Variants in LRRC69 observed in about 807,000 individuals in gnomAD.
LRRC69 encodes the protein leucine-rich repeat-containing protein 69.
A neutral mutation model predicts 37.8 loss-of-function variants in LRRC69; 42 were observed. That is an observed-to-expected ratio of 1.11 (90% CI 0.87 to 1.44). LRRC69 has a LOEUF of 1.44. Ranked by LOEUF, LRRC69 falls within the 40% of genes most tolerant of loss-of-function variation. LRRC69 has a pLI of 0.00. For missense variants in LRRC69, 357 were observed against 401.9 expected (o/e 0.89, Z 0.96); for synonymous variants, 141 against 143.1 (o/e 0.99, Z 0.11).
chr8:91,122,420 A>G (rs997024218), intron 1 of LRRC69, among the ~76,000 whole-genome samples: 2 of 151,912 alleles, frequency 1.3e-5, no homozygotes, highest in African/African-American at 4.8e-5. Context: ...TTTGCCCATC[A>G]AAAAAAACTC....
At chr8:91,179,886 G>T (rs76784212) in intron 5 of LRRC69, among the ~76,000 whole-genome samples, 1 of 152,114 alleles carries the variant, frequency 6.6e-6, no homozygotes, top group Non-Finnish European at 1.5e-5. Context: ...ATGAAACGTC[G>T]TATGTGTAGG....
intron 7 of LRRC69, among the ~76,000 whole-genome samples, chr8:91,210,562 G>GAC (rs35968986): frequency 0.073 from 10,738 of 146,100 alleles, 385 homozygotes; most frequent in Middle Eastern, 0.16. Context: ...CACACACACA[G>GAC]ACACACACAC....
At chr8:91,122,212 T>C (rs1344257674) in intron 1 of LRRC69, among the ~76,000 whole-genome samples, 1 of 152,044 alleles carries the variant, frequency 6.6e-6, no homozygotes, top group Non-Finnish European at 1.5e-5. Context: ...TTACCATCCC[T>C]TTTTTTAGGT....
At chr8:91,152,565 G>A (rs900020507) in intron 5 of LRRC69, among the ~76,000 whole-genome samples, 1 of 151,576 alleles carries the variant, frequency 6.6e-6, no homozygotes, top group African/African-American at 2.4e-5. Context: ...GTAGCATGAT[G>A]CCTACAGTTT....
intron 1 of LRRC69, among the ~76,000 whole-genome samples, chr8:91,111,457 T>A (rs1348791152): frequency 6.6e-6 from 1 of 151,838 alleles, no homozygotes; most frequent in Non-Finnish European, 1.5e-5. Flanking sequence ...TCGCTTGAAC[T>A]CAGAGGGTGG....
At chr8:91,132,054 TC>T (rs1161236631) in intron 3 of LRRC69, among the ~76,000 whole-genome samples, 7 of 151,972 alleles carry the variant, frequency 4.6e-5, no homozygotes, top group African/African-American at 7.2e-5. Flanking sequence ...TCCTCAAAAT[TC>T]CCTTTGCTAG....
chr8:91,176,134 A>ATATTTTTTTTTTT lies in LRRC69; in HGVS notation c.652-13387_652-13386insATTTTTTTTTTTT. On this transcript the variant is annotated intron_variant, in intron 5 of 7. Coordinates refer to ENST00000448384, the Ensembl canonical transcript of LRRC69. ...ATCCCTCATATATATATATATATAT[A>ATATTTTTTTTTTT]TTTTTTTTTTTTCTTTTTTTTGAGA... 3.2e-3 allele frequency among the ~76,000 whole-genome samples: 239 copies of ATATTTTTTTTTTT among 75,674 alleles called. 1 individual carries two copies. The highest frequency in any genetic ancestry group is 4.6e-3 in the African/African-American group (75 of 16,420). The allele number at this position is 75,674 out of a possible 152,430, so 49.6% of individuals were successfully genotyped here. A position where few individuals can be genotyped will look rare whatever the true frequency, so the allele number is the denominator to read the frequency against.
At chr8:91,132,899 G>A (rs539269639) in intron 3 of LRRC69, among the ~76,000 whole-genome samples, 1 of 151,886 alleles carries the variant, frequency 6.6e-6, no homozygotes, top group South Asian at 2.1e-4. Context: ...TTTAACATAA[G>A]CCATCTGATT....
At chr8:91,201,216 G>A (rs1179283179) in intron 7 of LRRC69, among the ~76,000 whole-genome samples, 1 of 152,154 alleles carries the variant, frequency 6.6e-6, no homozygotes, top group Non-Finnish European at 1.5e-5. Context: ...ACGCATGAAT[G>A]TGCACCTGCA....
intron 5 of LRRC69, among the ~76,000 whole-genome samples, chr8:91,149,553 G>A (rs1469919453): frequency 4.6e-5 from 7 of 151,936 alleles, no homozygotes; most frequent in South Asian, 4.1e-4. Context: ...GTTTTGGATC[G>A]ACTTGGCACT....
chr8:91,147,575 T>G (rs895351444), intron 5 of LRRC69, among the ~76,000 whole-genome samples: 1 of 151,686 alleles, frequency 6.6e-6, no homozygotes, highest in Non-Finnish European at 1.5e-5. Flanking sequence ...CAGCCTGCTG[T>G]GTATATTTAA....
intron 1 of LRRC69, 139 bp from the exon 2 acceptor site, chr8:91,124,345 AACTTTAGGT>A (rs961465506): frequency 2.0e-6 from 1 of 502,938 alleles, no homozygotes; most frequent in African/African-American, 2.0e-5. Flanking sequence ...TTGTAAAGAT[AACTTTAGGT>A]ATAACTGAAA....
intron 1 of LRRC69, among the ~76,000 whole-genome samples, chr8:91,103,384 A>C (rs949523394): frequency 2.6e-5 from 4 of 152,058 alleles, no homozygotes; most frequent in African/African-American, 7.2e-5. Flanking sequence ...CTTTAAAGGA[A>C]GTTTAATATT....
chr8:91,184,293 C>G (rs1241907280), intron 5 of LRRC69, among the ~76,000 whole-genome samples: 1 of 152,044 alleles, frequency 6.6e-6, no homozygotes, highest in African/African-American at 2.4e-5. Flanking sequence ...TCCCCCCACC[C>G]CGAATTTAAA....
intron 2 of LRRC69, 91 bp downstream of exon 2, chr8:91,124,710 T>C: frequency 8.6e-7 from 1 of 1,165,910 alleles, no homozygotes; most frequent in Non-Finnish European, 1.2e-6. Flanking sequence ...GAATTTTGCA[T>C]GTTTAATCTT....
At chr8:91,216,818 ATGTAT>A (rs553062556) in intron 7 of LRRC69, among the ~76,000 whole-genome samples, 16 of 152,050 alleles carry the variant, frequency 1.1e-4, no homozygotes, top group Non-Finnish European at 1.6e-4. Flanking sequence ...TTCTGGACTA[ATGTAT>A]TGTTGATATC....
intron 4 of LRRC69, 48 bp downstream of exon 4, chr8:91,133,353 A>C (rs905242497): frequency 7.4e-7 from 1 of 1,344,398 alleles, no homozygotes; most frequent in Admixed American, 3.2e-5. Flanking sequence ...AGAAGAACTC[A>C]ACATGATGGG....
intron 4 of LRRC69, among the ~76,000 whole-genome samples, chr8:91,133,977 G>A (rs1346358380): frequency 3.3e-5 from 5 of 151,724 alleles, no homozygotes; most frequent in Admixed American, 6.6e-5. Flanking sequence ...ATCTGGTAAC[G>A]ATGTATACAG....
At chr8:91,139,150 T>C (rs1426582672) in intron 5 of LRRC69, 1 of 151,998 alleles carries the variant, frequency 6.6e-6, no homozygotes, top group Non-Finnish European at 1.5e-5. Flanking sequence ...TTCCTTTCTT[T>C]TATTTTAACT....
Sources: gnomAD v4.1 joint callset for allele counts (sites outside exome capture counted in the v4.1 genomes callset) on GRCh38, gnomAD v4.1.1 for gene constraint, MANE v1.5 for transcripts, NCBI Gene and HGNC (gene_info 2026-07-23, HGNC 2026-07-21) for gene names.